The following PALB2 variants were observed in gnomAD, a reference collection of about 807,000 sequenced individuals.
PALB2 encodes mutant partner and localizer of BRCA2.
In PALB2, 82 loss-of-function variants were observed where a neutral mutation model predicts 107.4. The ratio of observed to expected loss-of-function variants is 0.76; its 90% CI spans 0.64 to 0.92. PALB2 has a LOEUF of 0.92. Ranked by LOEUF, PALB2 falls within the 40% of genes least tolerant of loss-of-function variation. The pLI is 0.00. For missense variants in PALB2, 1,374 were observed against 1,379.9 expected, an observed-to-expected ratio of 1.00 and a Z score of 0.07; for synonymous variants, 489 against 496.8, an observed-to-expected ratio of 0.98 and a Z score of 0.21.
rs879254068 is a variant in PALB2 at position 23,629,710 on chromosome 16, G to A, written c.2444C>T (p.Ser815Leu). 6.2e-7 allele frequency: 1 copy of A among 1,614,198 alleles called. No homozygotes were observed. The highest frequency in any genetic ancestry group is 8.5e-7 in the Non-Finnish European group (1 of 1,180,030). Residue 815 changes from serine to leucine, a missense_variant, in exon 5 of 13, where the codon TCA becomes TTA. Coordinates refer to ENST00000261584, the MANE Select transcript of PALB2 (RefSeq NM_024675.4). ...VPPGTPPPIE[S>L]FTFKENQLCR... ...GAGCTGATTTTCTTTAAAAGTGAATGACTCAATGGGTGGAGGTGTTCCTGG... is the reference window on the plus strand; with the variant it reads ...GAGCTGATTTTCTTTAAAAGTGAATAACTCAATGGGTGGAGGTGTTCCTGG...
intron 10 of PALB2, among the ~76,000 whole-genome samples, chr16:23,618,887 C>T (rs919729748): frequency 1.3e-5 from 2 of 152,268 alleles, no homozygotes; most frequent in South Asian, 2.1e-4. Flanking sequence ...AGTGGCCAAG[C>T]GCTACCCTAG....
chr16:23,640,814 TA>T, intron 1 of PALB2: 1 of 355,532 alleles, frequency 2.8e-6, no homozygotes, highest in Non-Finnish European at 5.1e-6. Flanking sequence ...GGGGGAGAAG[TA>T]AAGATTGAGG....
intron 7 of PALB2, among the ~76,000 whole-genome samples, chr16:23,625,746 C>T (rs1482086693): frequency 2.0e-5 from 3 of 151,924 alleles, no homozygotes; most frequent in African/African-American, 4.8e-5. Context: ...GACAGTGAGC[C>T]GAGATCATGC....
intron 12 of PALB2, among the ~76,000 whole-genome samples, chr16:23,606,765 C>T (rs977670821): frequency 1.3e-5 from 2 of 151,288 alleles, no homozygotes; most frequent in Non-Finnish European, 2.9e-5. Context: ...CCTCATGATC[C>T]GCCTGCCTCG....
At chr16:23,616,925 G>T (rs1966693926) in intron 10 of PALB2, among the ~76,000 whole-genome samples, 1 of 151,462 alleles carries the variant, frequency 6.6e-6, no homozygotes, top group Non-Finnish European at 1.5e-5. Flanking sequence ...CCATTCTCCT[G>T]CCTCAGCCTC....
intron 8 of PALB2, among the ~76,000 whole-genome samples, chr16:23,623,406 G>C (rs1156806252): frequency 6.7e-6 from 1 of 148,540 alleles, no homozygotes; most frequent in African/African-American, 2.5e-5. Flanking sequence ...GTTTCACCAT[G>C]TTGGTCAGGC....
rs1567218554 is a variant in PALB2, at chr16:23,630,256, T to A, written c.1898A>T (p.Lys633Ile). 6.2e-7 allele frequency: 1 copy of A among 1,614,156 alleles called. No individual in the cohort carries two copies. Among genetic ancestry groups the A allele is most frequent in the Non-Finnish European group, 8.5e-7 (1 of 1,180,030 alleles). Reference protein sequence around the residue: ...KLEKVKSCSEKPVEPFESKMF... With the variant: ...KLEKVKSCSEIPVEPFESKMF... The stretch of plus-strand genomic sequence containing the variant: ...TTTTGACTCAAAGGGCTCCACTGGT[T>A]TTTCTGAGCAGGACTTCACTTTTTC... Residue 633 changes from lysine to isoleucine, a missense_variant, in exon 5 of 13, where the codon AAA becomes ATA. By Grantham distance (102) the Lys-to-Ile change is moderately radical. Transcript: ENST00000261584.
intron 3 of PALB2, among the ~76,000 whole-genome samples, chr16:23,637,035 G>C (rs1967079645): frequency 6.6e-6 from 1 of 150,870 alleles, no homozygotes; most frequent in African/African-American, 2.4e-5. Context: ...AGATCTCAAG[G>C]TCAGGAGATC....
chr16:23,640,284 C>T (rs1967188854), intron 1 of PALB2: 1 of 197,470 alleles, frequency 5.1e-6, no homozygotes. Context: ...ATAAGAATAA[C>T]ATCAGCACAA....
intron 4 of PALB2, 48 bp downstream of exon 4, chr16:23,634,814 T>C (rs774211412): frequency 1.8e-5 from 28 of 1,575,900 alleles, no homozygotes; most frequent in Non-Finnish European, 2.3e-5. Flanking sequence ...ATAGTAATTG[T>C]TAACTTTCAT....
intron 9 of PALB2, among the ~76,000 whole-genome samples, chr16:23,621,940 C>T (rs956501876): frequency 2.6e-5 from 4 of 152,218 alleles, no homozygotes; most frequent in East Asian, 1.9e-4. Flanking sequence ...CACCAAGTCC[C>T]AGTAATTTTA....
rs1967045486 is a variant in PALB2 at position 23,636,081 on chromosome 16, A to C, written c.465T>G (p.Phe155Leu). ...AGACACAGTCTCTCTCCTGTGAAATAAATGTCCTCTTCTGCTGCTTCTTTC... is the reference window on the plus strand; with the variant it reads ...AGACACAGTCTCTCTCCTGTGAAATCAATGTCCTCTTCTGCTGCTTCTTTC... ...SRRKKQQKRT[F>L]ISQERDCVFG... Residue 155 changes from phenylalanine (F) to leucine (L), a missense_variant, in exon 4 of 13, where the codon TTT becomes TTG. Coordinates refer to ENST00000261584, the MANE Select transcript of PALB2 (RefSeq NM_024675.4). 1 of 1,614,008 alleles carries C rather than the reference A, an allele frequency of 6.2e-7. No homozygotes were observed. The highest frequency in any genetic ancestry group is 8.5e-7 in the Non-Finnish European group (1 of 1,179,998).
chr16:23,636,175 G>A lies in PALB2; in HGVS notation c.371C>T (p.Thr124Ile), dbSNP rs45457297. 12 of 1,612,478 alleles carry A rather than the reference G, an allele frequency of 7.4e-6. No individual in the cohort carries two copies. Among genetic ancestry groups the A allele is most frequent in the African/African-American group, 1.3e-5 (1 of 74,672 alleles). The change falls in exon 4 of 13, where the codon ACC becomes ATC. Residue 124 changes from threonine to isoleucine, a missense_variant. By Grantham distance (89) the Thr-to-Ile change is moderately conservative. Coordinates refer to ENST00000261584, the MANE Select transcript of PALB2 (RefSeq NM_024675.4). ...GACCCTGTGGGGAAAATGTTCTTGG[G>A]TGTCATCTGTTCTTTGTATAGGTAA... ...GGLPIQRTDD[T>I]QEHFPHRVSD...
intron 10 of PALB2, among the ~76,000 whole-genome samples, chr16:23,614,682 G>A (rs1423396070): frequency 2.5e-5 from 3 of 120,996 alleles, no homozygotes; most frequent in East Asian, 4.8e-4. Context: ...ACGGAGTCTC[G>A]CTCTGTGGCC....
intron 10 of PALB2, among the ~76,000 whole-genome samples, chr16:23,619,888 T>C (rs1453073150): frequency 6.6e-6 from 1 of 152,022 alleles, no homozygotes; most frequent in Non-Finnish European, 1.5e-5. Flanking sequence ...CAAGCGATTC[T>C]CCTACCTCAG....
chr16:23,638,129 A>T lies in PALB2; in HGVS notation c.49T>A (p.Leu17Ile), dbSNP rs1297632902. 1.2e-6 allele frequency: 2 copies of T among 1,613,474 alleles called. No individual in the cohort carries two copies. Among genetic ancestry groups the T allele is most frequent in the Non-Finnish European group, 1.7e-6 (2 of 1,179,532 alleles). ...KPLSCEEKEKLKEKLAFLKRE... is the reference protein window; with the variant it reads ...KPLSCEEKEKIKEKLAFLKRE... ...TTCAAGAATGCTAATTTCTCCTTTA[A>T]CTGGAAGAAGAAAAACACCAACAAT... Residue 17 changes from leucine to isoleucine, a missense_variant and splice_region_variant, in exon 2 of 13, where the codon TTA becomes ATA. Leu to Ile is a conservative substitution (Grantham distance 5, BLOSUM62 2). Transcript: ENST00000261584.
At chr16:23,639,518 A>G (rs1475834707) in intron 1 of PALB2, among the ~76,000 whole-genome samples, 7 of 119,142 alleles carry the variant, frequency 5.9e-5, no homozygotes, top group South Asian at 5.5e-4. Flanking sequence ...ACTCTGCTTG[A>G]AAAAAAAAAA....
chr16:23,609,675 G>A (rs901746861), intron 11 of PALB2, among the ~76,000 whole-genome samples: 5 of 152,032 alleles, frequency 3.3e-5, no homozygotes, highest in Non-Finnish European at 5.9e-5. Context: ...CCGCCACCAC[G>A]CCCGGCTAAT....
rs745377072 is a variant in PALB2, at chr16:23,614,130, C to G, written c.3114-39G>C. 8.5e-6 allele frequency: 12 copies of G among 1,417,046 alleles called. No homozygotes were observed. The South Asian group carries it at 1.4e-4, about 17-fold the overall frequency. The allele number at this position is 1,417,046 out of a possible 1,614,324, so 87.8% of individuals were successfully genotyped here. A position where few individuals can be genotyped will look rare whatever the true frequency, so the allele number is the denominator to read the frequency against. On this transcript the variant is annotated intron_variant, in intron 10 of 12. Coordinates refer to ENST00000261584, the MANE Select transcript of PALB2 (RefSeq NM_024675.4). ...AATAAATAAGCTGATCACATTCTTC[C>G]AACAAACCAGTTTTCAGAAAATATT...
Sources: allele counts gnomAD v4.1 joint callset (sites outside exome capture counted in the v4.1 genomes callset), GRCh38; gene constraint gnomAD v4.1.1; transcripts MANE v1.5; gene names NCBI Gene and HGNC (gene_info 2026-07-23, HGNC 2026-07-21).